STXBP5L: variants seen among roughly 807,000 people sequenced by gnomAD.
The protein encoded by STXBP5L is syntaxin-binding protein 5-like.
A neutral mutation model predicts 144.5 loss-of-function variants in STXBP5L; 65 were observed. The observed-to-expected ratio is 0.45, with a 90% confidence interval of 0.37 to 0.55. STXBP5L has a LOEUF of 0.55. STXBP5L is among the 20% of genes least tolerant of loss of function. The probability of loss-of-function intolerance (pLI) is 0.00; values close to 1 mark genes in which losing one functional copy is unlikely to be tolerated. For synonymous variants in STXBP5L, 505 were observed against 469.6 expected (o/e 1.08, Z -0.97); for missense variants, 1,298 against 1,405.5 (o/e 0.92, Z 1.22).
Position 120,999,553 on chromosome 3 carries a change from T to C in STXBP5L, c.288-42147T>C, listed in dbSNP as rs185521683. 1.4e-4 allele frequency among the ~76,000 whole-genome samples: 21 copies of C among 152,272 alleles called. No homozygotes were observed. In the East Asian group the frequency reaches 3.3e-3, roughly 24 times the overall value. ...GACTATGCTGTGCCTTTAAAATGAG[T>C]CATTTAGCCCATTTATGTTCAAGAT... is the stretch of plus-strand genomic sequence containing the variant. On this transcript the variant is annotated intron_variant, in intron 3 of 26. Transcript: ENST00000471454.
At chr3:121,202,438 G>A (rs1009889918) in intron 9 of STXBP5L, among the ~76,000 whole-genome samples, 3 of 152,046 alleles carry the variant, frequency 2.0e-5, no homozygotes, top group African/African-American at 7.2e-5. Flanking sequence ...AGAGGTGGTT[G>A]GAGAATACAT....
intron 15 of STXBP5L, 146 bp from the exon 16 acceptor site, chr3:121,254,749 G>A (rs2050151231): frequency 3.1e-6 from 2 of 654,718 alleles, no homozygotes; most frequent in Admixed American, 3.2e-5. Flanking sequence ...TGAAAGCGTG[G>A]CATTGAATGC....
chr3:120,995,112 A>G (rs780638236), intron 3 of STXBP5L, among the ~76,000 whole-genome samples: 1 of 152,056 alleles, frequency 6.6e-6, no homozygotes, highest in Non-Finnish European at 1.5e-5. Flanking sequence ...TAAGTCTGCA[A>G]ATTAAAAAAG....
intron 18 of STXBP5L, among the ~76,000 whole-genome samples, chr3:121,268,087 T>C (rs530510646): frequency 6.6e-6 from 1 of 152,326 alleles, no homozygotes; most frequent in African/African-American, 2.4e-5. Context: ...TAAATCATTC[T>C]GCTATAAAGA....
At chr3:121,198,044 G>A (rs138816445) in intron 9 of STXBP5L, among the ~76,000 whole-genome samples, 186 of 152,138 alleles carry the variant, frequency 1.2e-3, no homozygotes, top group African/African-American at 4.2e-3. Flanking sequence ...TGGTGTTTCC[G>A]GTTCTAGATC....
At chr3:121,233,289 A>G (rs960259636) in intron 11 of STXBP5L, among the ~76,000 whole-genome samples, 1 of 152,322 alleles carries the variant, frequency 6.6e-6, no homozygotes. Context: ...TACAAAGGTT[A>G]TGGAAGAATA....
chr3:120,943,043 A>T (rs1403270479), intron 2 of STXBP5L, among the ~76,000 whole-genome samples: 3 of 151,706 alleles, frequency 2.0e-5, no homozygotes, highest in Non-Finnish European at 3.0e-5. Context: ...TTCTTGTTGA[A>T]ATCTAACAGA....
intron 3 of STXBP5L, among the ~76,000 whole-genome samples, chr3:121,005,518 A>G (rs535083016): frequency 1.3e-5 from 2 of 152,142 alleles, no homozygotes; most frequent in East Asian, 3.9e-4. Context: ...GGATTCATTG[A>G]TGTTTTGAAG....
intron 3 of STXBP5L, among the ~76,000 whole-genome samples, chr3:120,987,527 G>C (rs374905652): frequency 1.3e-5 from 2 of 151,546 alleles, no homozygotes; most frequent in Non-Finnish European, 1.5e-5. Flanking sequence ...TCCTTTGTTG[G>C]ATATATGGTT....
intron 20 of STXBP5L, among the ~76,000 whole-genome samples, chr3:121,328,287 C>T (rs142019540): frequency 2.0e-5 from 3 of 152,304 alleles, no homozygotes; most frequent in African/African-American, 7.2e-5. Context: ...AAGGGCTTTA[C>T]ACACATTCCT....
chr3:121,159,775 G>A (rs1038292496), intron 9 of STXBP5L, among the ~76,000 whole-genome samples: 22 of 151,354 alleles, frequency 1.5e-4, no homozygotes, highest in African/African-American at 5.3e-4. Context: ...GACTACAGGC[G>A]CCCGCTACCA....
intron 22 of STXBP5L, among the ~76,000 whole-genome samples, chr3:121,395,235 T>C (rs143761455): frequency 6.6e-6 from 1 of 152,324 alleles, no homozygotes; most frequent in African/African-American, 2.4e-5. Context: ...TTTACATCTT[T>C]TTTCAGGCTA....
intron 9 of STXBP5L, among the ~76,000 whole-genome samples, chr3:121,190,269 A>C (rs779081660): frequency 6.6e-6 from 1 of 152,160 alleles, no homozygotes; most frequent in South Asian, 2.1e-4. Flanking sequence ...CTTAGCGAGC[A>C]CGCTGCCTTC....
At chr3:121,325,732 C>G (rs1327401676) in intron 20 of STXBP5L, among the ~76,000 whole-genome samples, 1 of 151,868 alleles carries the variant, frequency 6.6e-6, no homozygotes, top group Non-Finnish European at 1.5e-5. Context: ...GCCTTTTTTA[C>G]TAAAAATTAT....
chr3:121,284,395 A>G (rs1245913008), intron 19 of STXBP5L, among the ~76,000 whole-genome samples: 1 of 152,018 alleles, frequency 6.6e-6, no homozygotes, highest in East Asian at 1.9e-4. Context: ...TGTTGTGCCA[A>G]TTCCTTTATT....
chr3:121,045,172 A>G lies in STXBP5L; in HGVS notation c.370-263A>G, dbSNP rs572607649. ...CTTTAATGGCCATAACAGTGCTATA[A>G]TAATTAATCCTCTCTATTGGTAAAT... On this transcript the variant is annotated intron_variant, in intron 4 of 26. Transcript: ENST00000471454. Among the ~76,000 whole-genome samples the G allele has an allele frequency of 5.9e-5, 9 of 152,280 alleles. No individual in the cohort carries two copies. The South Asian group carries it at 1.9e-3, about 32-fold the overall frequency.
intron 2 of STXBP5L, among the ~76,000 whole-genome samples, chr3:120,947,268 A>G (rs963047931): frequency 6.6e-6 from 1 of 151,798 alleles, no homozygotes; most frequent in African/African-American, 2.4e-5. Context: ...TAAGCTTAAC[A>G]TAGTTGTCTT....
intron 20 of STXBP5L, among the ~76,000 whole-genome samples, chr3:121,343,100 A>G (rs1269019507): frequency 6.6e-6 from 1 of 152,146 alleles, no homozygotes; most frequent in African/African-American, 2.4e-5. Context: ...ATAGCCAGTG[A>G]TGGTGAGCAT....
intron 3 of STXBP5L, among the ~76,000 whole-genome samples, chr3:121,007,465 A>G (rs1944422463): frequency 6.6e-6 from 1 of 151,968 alleles, no homozygotes; most frequent in South Asian, 2.1e-4. Context: ...TGTTTTTTTA[A>G]TTCCTTAAAT....
Sources: gnomAD v4.1 joint callset for allele counts (sites outside exome capture counted in the v4.1 genomes callset) on GRCh38, gnomAD v4.1.1 for gene constraint, MANE v1.5 for transcripts, NCBI Gene and HGNC (gene_info 2026-07-23, HGNC 2026-07-21) for gene names.